Variants in GOSR2 observed in about 807,000 individuals in gnomAD.
GOSR2 encodes 27 kDa Golgi SNARE protein.
Under a neutral mutation model 27.9 loss-of-function variants are expected in GOSR2, and 20 were observed. That is an observed-to-expected ratio of 0.72 (90% CI 0.50 to 1.04). The LOEUF is 1.04. Among genes scored for constraint, GOSR2 ranks in the 50% least tolerant of loss-of-function variants. GOSR2 has a pLI of 0.00. For missense variants in GOSR2, 261 were observed against 270.5 expected (o/e 0.97, Z 0.25); for synonymous variants, 91 against 98.8 (o/e 0.92, Z 0.47).
Position 46,932,048 on chromosome 17 carries a change from C to G in GOSR2, c.204-19C>G. 6.2e-7 allele frequency: 1 copy of G among 1,611,470 alleles called. No homozygotes were observed. The highest frequency in any genetic ancestry group is 1.1e-5 in the South Asian group (1 of 91,036). On this transcript the variant is annotated intron_variant, in intron 3 of 5. Coordinates refer to ENST00000640051, the MANE Select transcript of GOSR2 (RefSeq NM_004287.5). ...GCCCTGAGTTCCTGGAATTTAATCTCTCTCTCCATCAATTCCAGTCGGGTT... is the reference window on the plus strand; with the variant it reads ...GCCCTGAGTTCCTGGAATTTAATCTGTCTCTCCATCAATTCCAGTCGGGTT...
At chr17:46,936,888 T>G in intron 5 of GOSR2, 1 of 944,774 alleles carries the variant, frequency 1.1e-6, no homozygotes, top group Non-Finnish European at 1.3e-6. Context: ...AATGTAGATT[T>G]TGGATTCCTG....
chr17:46,959,182 G>T (rs975097642), intron 6 of GOSR2, among the ~76,000 whole-genome samples: 1 of 152,220 alleles, frequency 6.6e-6, no homozygotes, highest in African/African-American at 2.4e-5. Context: ...AGTGGCAGAA[G>T]TGTCACCTGT....
chr17:46,929,849 C>T, intron 2 of GOSR2: 1 of 436,340 alleles, frequency 2.3e-6, no homozygotes, highest in East Asian at 4.4e-5. Flanking sequence ...CTCCATCTAT[C>T]TTAATCTAAT....
At chr17:46,926,684 A>G (rs2086549462) in intron 1 of GOSR2, among the ~76,000 whole-genome samples, 1 of 152,206 alleles carries the variant, frequency 6.6e-6, no homozygotes, top group Non-Finnish European at 1.5e-5. Context: ...CACTTGGCAT[A>G]TTAGTAGTTC....
chr17:46,962,223 G>A (rs1258301253), intron 6 of GOSR2, among the ~76,000 whole-genome samples: 3 of 151,972 alleles, frequency 2.0e-5, no homozygotes, highest in Admixed American at 6.6e-5. Context: ...TAGCTACTCA[G>A]GAGGCTGAGG....
intron 6 of GOSR2, among the ~76,000 whole-genome samples, chr17:46,959,252 G>GT (rs1162851830): frequency 6.6e-6 from 1 of 152,232 alleles, no homozygotes; most frequent in African/African-American, 2.4e-5. Flanking sequence ...AGTAGAGTGT[G>GT]TAACCTCCAA....
rs752132148 is a variant in GOSR2 at position 46,940,651 on chromosome 17, G to A, written c.*1891G>A. Reference sequence around the variant, plus strand: ...TGAACTCTGGGAGGCAGAAGTCCCCGCACCCATCATGCGTGGACTGATAGG... The same window carrying A: ...TGAACTCTGGGAGGCAGAAGTCCCCACACCCATCATGCGTGGACTGATAGG... On this transcript the variant is annotated 3_prime_UTR_variant, in exon 6 of 6. Coordinates refer to ENST00000640051, the MANE Select transcript of GOSR2 (RefSeq NM_004287.5). 14 of 1,613,570 alleles carry A rather than the reference G, an allele frequency of 8.7e-6. No individual in the cohort carries two copies. The highest frequency in any genetic ancestry group is 8.3e-5 in the Admixed American group (5 of 60,026).
intron 4 of GOSR2, 80 bp from the exon 5 acceptor site, chr17:46,934,949 T>G (rs2088043752): frequency 3.0e-6 from 4 of 1,327,436 alleles, no homozygotes; most frequent in Non-Finnish European, 3.3e-6. Flanking sequence ...TGGCTTGGCC[T>G]TGGCCAAAAG....
At chr17:46,924,680 A>C (rs1225193635) in intron 1 of GOSR2, among the ~76,000 whole-genome samples, 2 of 152,216 alleles carry the variant, frequency 1.3e-5, no homozygotes, top group Non-Finnish European at 2.9e-5. Context: ...GAAAATACAG[A>C]ACCTACTTTG....
Position 46,938,737 on chromosome 17 carries a change from C to T in GOSR2, c.616C>T (p.Leu206Phe). 1 of 1,613,994 alleles carries T rather than the reference C, an allele frequency of 6.2e-7. No individual in the cohort carries two copies. Among genetic ancestry groups the T allele is most frequent in the Non-Finnish European group, 8.5e-7 (1 of 1,179,944 alleles). The change falls in exon 6 of 6, where the codon CTC becomes TTC. Residue 206 changes from leucine (L) to phenylalanine (F), a missense_variant. By Grantham distance (22) the Leu-to-Phe change is conservative (BLOSUM62 0). Transcript: ENST00000640051. ...GMLLTCVVMF[L>F]VVQYLT ...GCTGCTGACCTGTGTGGTCATGTTC[C>T]TCGTGGTGCAGTACCTGACATGAGC...
chr17:46,956,947 G>A (rs2090757781), intron 6 of GOSR2, among the ~76,000 whole-genome samples: 1 of 152,218 alleles, frequency 6.6e-6, no homozygotes, highest in Non-Finnish European at 1.5e-5. Flanking sequence ...AGCCACACAA[G>A]AAGGAAAAAT....
intron 6 of GOSR2, chr17:46,966,383 C>G: frequency 1.8e-6 from 1 of 551,730 alleles, no homozygotes; most frequent in South Asian, 2.5e-5. Flanking sequence ...CACACCTCTT[C>G]AAGGCCCTCA....
chr17:46,936,519 C>T (rs1453149421), intron 5 of GOSR2: 11 of 985,458 alleles, frequency 1.1e-5, no homozygotes, highest in African/African-American at 7.0e-5. Context: ...CCTCCACCTG[C>T]CTCACACCCT....
At chr17:46,963,619 C>G (rs1176272279) in intron 6 of GOSR2, 3 of 151,798 alleles carry the variant, frequency 2.0e-5, no homozygotes, top group African/African-American at 7.3e-5. Flanking sequence ...ATAACAAGCA[C>G]TAATCATCCT....
chr17:46,923,175 G>T lies in GOSR2; in HGVS notation c.-18G>T, dbSNP rs1446738554. Reference sequence around the variant, plus strand: ...CGAGGAAGCCAGAGCCGGAGCCGTGGCCTGCGGGGCCGGCGACATGGATCC... The same window carrying T: ...CGAGGAAGCCAGAGCCGGAGCCGTGTCCTGCGGGGCCGGCGACATGGATCC... On this transcript the variant is annotated 5_prime_UTR_variant, in exon 1 of 6. Coordinates refer to ENST00000640051, the MANE Select transcript of GOSR2 (RefSeq NM_004287.5). 5 of 1,515,236 alleles carry T rather than the reference G, an allele frequency of 3.3e-6. No individual in the cohort carries two copies. Among genetic ancestry groups the T allele is most frequent in the Non-Finnish European group, 4.5e-6 (5 of 1,114,102 alleles). The allele number at this position is 1,515,236 out of a possible 1,614,324, so 93.9% of individuals were successfully genotyped here. A position where few individuals can be genotyped will look rare whatever the true frequency, so the allele number is the denominator to read the frequency against.
intron 6 of GOSR2, among the ~76,000 whole-genome samples, chr17:46,953,886 GT>G (rs978191904): frequency 6.6e-6 from 1 of 152,104 alleles, no homozygotes; most frequent in Non-Finnish European, 1.5e-5. Flanking sequence ...TGATGGGGTT[GT>G]TTTTTTCTTG....
chr17:46,958,362 A>G (rs1421700736), intron 6 of GOSR2, among the ~76,000 whole-genome samples: 1 of 152,256 alleles, frequency 6.6e-6, no homozygotes, highest in African/African-American at 2.4e-5. Context: ...TCCACTCCTG[A>G]CAGTTGCAAC....
At chr17:46,960,295 G>A (rs2090977063) in intron 6 of GOSR2, among the ~76,000 whole-genome samples, 1 of 152,156 alleles carries the variant, frequency 6.6e-6, no homozygotes, top group African/African-American at 2.4e-5. Context: ...CACACAATGA[G>A]GTGTCACTAC....
chr17:46,924,304 T>A (rs1235326341), intron 1 of GOSR2: 1 of 154,936 alleles, frequency 6.5e-6, no homozygotes, highest in Non-Finnish European at 1.4e-5. Flanking sequence ...TCATTCTGTT[T>A]TATGACGGAA....
Sources: gnomAD v4.1 joint callset for allele counts (sites outside exome capture counted in the v4.1 genomes callset) on GRCh38, gnomAD v4.1.1 for gene constraint, MANE v1.5 for transcripts, NCBI Gene and HGNC (gene_info 2026-07-23, HGNC 2026-07-21) for gene names.